The following SCNN1A variants were observed in gnomAD, a reference collection of about 807,000 sequenced individuals.
SCNN1A encodes epithelial sodium channel subunit alpha.
SCNN1A carries 65 observed loss-of-function variants against 68.6 expected under a neutral mutation model. The observed-to-expected ratio is 0.95, with a 90% CI of 0.78 to 1.16. The LOEUF is 1.16. Ranked by LOEUF, SCNN1A falls within the 50% of genes most tolerant of loss-of-function variation. The probability of loss-of-function intolerance (pLI) is 0.00; values close to 1 mark genes in which losing one functional copy is unlikely to be tolerated. For synonymous variants in SCNN1A, 357 were observed against 353.3 expected (o/e 1.01, Z -0.12); for missense variants, 880 against 865.9 (o/e 1.02, Z -0.20).
intron 2 of SCNN1A, among the ~76,000 whole-genome samples, chr12:6,369,149 C>T (rs1592081919): frequency 1.3e-5 from 2 of 151,994 alleles, no homozygotes; most frequent in East Asian, 3.9e-4. Context: ...TGCCTCCTGC[C>T]CCTCCCTCTC....
chr12:6,375,280 G>C, intron 1 of SCNN1A: 1 of 1,437,828 alleles, frequency 7.0e-7, no homozygotes, highest in Non-Finnish European at 9.1e-7. Flanking sequence ...CTCTAATCCT[G>C]CCTCTCTTCC....
intron 1 of SCNN1A, chr12:6,375,184 C>G: frequency 2.1e-6 from 3 of 1,452,398 alleles, no homozygotes; most frequent in Non-Finnish European, 2.7e-6. Flanking sequence ...ATCTGTGTCT[C>G]AGCTCCTGCC....
At chr12:6,370,493 C>A (rs1314747489) in intron 2 of SCNN1A, among the ~76,000 whole-genome samples, 1 of 152,222 alleles carries the variant, frequency 6.6e-6, no homozygotes, top group African/African-American at 2.4e-5. Context: ...ACCCCGGTGG[C>A]CTCCTCTCAC....
At position 6,362,044 on chromosome 12, in the gene SCNN1A, G is replaced by A. The variant is rs1386587877; in HGVS notation, c.875+7C>T. 1.2e-6 allele frequency: 2 copies of A among 1,613,840 alleles called. No individual in the cohort carries two copies. The highest frequency in any genetic ancestry group is 1.7e-6 in the Non-Finnish European group (2 of 1,179,910). Reference sequence around the variant, plus strand: ...GGAGAGCAAGGAGCCAGGCAGGACTGACTCACGCCTGGTTGCAGGAGACCT... The same window carrying A: ...GGAGAGCAAGGAGCCAGGCAGGACTAACTCACGCCTGGTTGCAGGAGACCT... On this transcript the variant is annotated splice_region_variant and intron_variant, in intron 4 of 12. Coordinates refer to ENST00000228916, the MANE Select transcript of SCNN1A (RefSeq NM_001038.6).
At chr12:6,362,452 G>A (rs1185489494) in intron 3 of SCNN1A, among the ~76,000 whole-genome samples, 3 of 152,148 alleles carry the variant, frequency 2.0e-5, no homozygotes, top group African/African-American at 7.2e-5. Context: ...TGCAGGCCAG[G>A]AAAGGAGACC....
chr12:6,359,810 GC>G (rs1302798884), intron 4 of SCNN1A, among the ~76,000 whole-genome samples: 9 of 115,740 alleles, frequency 7.8e-5, no homozygotes, highest in Non-Finnish European at 1.3e-4. Context: ...TTGCTCTGTC[GC>G]CCAGGCTGGA....
intron 4 of SCNN1A, among the ~76,000 whole-genome samples, chr12:6,356,783 T>C (rs1048840404): frequency 6.6e-6 from 1 of 152,142 alleles, no homozygotes; most frequent in Non-Finnish European, 1.5e-5. Flanking sequence ...CCCTGCCATC[T>C]TGGAGCTAGC....
At position 6,363,673 on chromosome 12, in the gene SCNN1A, G is replaced by GGTCCAGCTC; in HGVS notation, c.445_453dup (p.Glu149_Asp151dup). 5 of 1,605,022 alleles carry GGTCCAGCTC rather than the reference G, an allele frequency of 3.1e-6. No homozygotes were observed. The highest frequency in any genetic ancestry group is 4.3e-6 in the Non-Finnish European group (5 of 1,174,920). ...TCAAAGAGCGTCTGCTCTGTGATGC[G>GGTCCAGCTC]GTCCAGCTCCTCCAGCTCCTCTTTA... On this transcript the variant is annotated inframe_insertion, in exon 3 of 13. Transcript: ENST00000228916.
chr12:6,349,176 C>A lies in SCNN1A; in HGVS notation c.1485G>T (p.Ser495=), dbSNP rs3764873. 1.2e-3 allele frequency: 1,932 copies of A among 1,614,034 alleles called. 32 individuals carry two copies. The East Asian group carries it at 0.023, about 19-fold the overall frequency. Residue 495 remains serine, a synonymous_variant, in exon 10 of 13, where the codon TCG becomes TCT. Coordinates refer to ENST00000228916, the MANE Select transcript of SCNN1A (RefSeq NM_001038.6). The part of the protein sequence containing the change: ...QLSAGYSRWP[S]VTSQEWVFQM... ...CCCCACACTCTACCTGGGATGTCAC[C>A]GAGGGCCATCGTGAGTAACCAGCAG...
rs72645115 is a variant in SCNN1A, at chr12:6,363,745, G to A, written c.417-35C>T. 3.6e-5 allele frequency: 56 copies of A among 1,549,778 alleles called. No individual in the cohort carries two copies. In the Admixed American group the frequency reaches 4.5e-4, roughly 12 times the overall value. ...CGAGGGGAAGAGGGTCAGGCCAGGG[G>A]CCCTGGAGCGAGTGTCTGGCCCCTC... On this transcript the variant is annotated intron_variant, in intron 2 of 12. Coordinates refer to ENST00000228916, the MANE Select transcript of SCNN1A (RefSeq NM_001038.6).
At chr12:6,353,103 T>G (rs1277447541) in intron 8 of SCNN1A, among the ~76,000 whole-genome samples, 1 of 152,228 alleles carries the variant, frequency 6.6e-6, no homozygotes, top group Non-Finnish European at 1.5e-5. Flanking sequence ...CTCAGCTTCC[T>G]GGCACACGAC....
chr12:6,367,722 A>T (rs529525738), intron 2 of SCNN1A, among the ~76,000 whole-genome samples: 3 of 152,316 alleles, frequency 2.0e-5, no homozygotes, highest in Admixed American at 1.3e-4. Context: ...TTTATTGTAC[A>T]TCAATTATGC....
intron 11 of SCNN1A, 45 bp downstream of exon 11, chr12:6,348,905 T>G (rs777715411): frequency 5.6e-6 from 9 of 1,608,310 alleles, no homozygotes; most frequent in Non-Finnish European, 7.7e-6. Flanking sequence ...CTATTTTCCC[T>G]CCCAAAGATT....
At position 6,348,902 on chromosome 12, in the gene SCNN1A, C is replaced by A. The variant is rs1223286786; in HGVS notation, c.1553+48G>T. On this transcript the variant is annotated intron_variant, in intron 11 of 12. Coordinates refer to ENST00000228916, the MANE Select transcript of SCNN1A (RefSeq NM_001038.6). ...CGATCCCTCTTCTTAGGTCTATTTT[C>A]CCTCCCAAAGATTCCCTTCTTGTGG... The A allele has an allele frequency of 6.2e-6, 10 of 1,609,144 alleles. No individual in the cohort carries two copies. In the South Asian group the frequency reaches 1.1e-4, roughly 18 times the overall value.
intron 2 of SCNN1A, 136 bp from the exon 3 acceptor site, chr12:6,363,846 T>A: frequency 1.5e-6 from 1 of 676,542 alleles, no homozygotes; most frequent in Non-Finnish European, 2.2e-6. Context: ...GGGGTCGTCG[T>A]GGCGCCTCCT....
intron 3 of SCNN1A, 91 bp downstream of exon 3, chr12:6,363,352 G>C (rs544211992): frequency 8.5e-7 from 1 of 1,175,494 alleles, no homozygotes; most frequent in Non-Finnish European, 1.1e-6. Context: ...TGGGCTGCGC[G>C]GGCGGGTCAG....
intron 2 of SCNN1A, among the ~76,000 whole-genome samples, chr12:6,365,314 C>A (rs1948658035): frequency 6.6e-6 from 1 of 152,152 alleles, no homozygotes; most frequent in Non-Finnish European, 1.5e-5. Context: ...ACTCACTGCA[C>A]CCGGCCCCAG....
At chr12:6,365,310 T>C (rs1443001587) in intron 2 of SCNN1A, among the ~76,000 whole-genome samples, 1 of 152,174 alleles carries the variant, frequency 6.6e-6, no homozygotes, top group African/African-American at 2.4e-5. Flanking sequence ...AGCCACTCAC[T>C]GCACCCGGCC....
At chr12:6,363,344 G>T in intron 3 of SCNN1A, 99 bp downstream of exon 3, 1 of 1,090,436 alleles carries the variant, frequency 9.2e-7, no homozygotes, top group Non-Finnish European at 1.2e-6. Flanking sequence ...GGTGTCACTG[G>T]GCTGCGCGGG....
Sources: gnomAD v4.1 joint callset for allele counts (sites outside exome capture counted in the v4.1 genomes callset) on GRCh38, gnomAD v4.1.1 for gene constraint, MANE v1.5 for transcripts, NCBI Gene and HGNC (gene_info 2026-07-23, HGNC 2026-07-21) for gene names.